The following TRHDE variants were observed in gnomAD, a reference collection of about 807,000 sequenced individuals.
TRHDE encodes the protein thyrotropin releasing hormone degrading enzyme, also known as thyrotropin-releasing hormone-degrading ectoenzyme.
A neutral mutation model predicts 125.7 loss-of-function variants in TRHDE; 72 were observed. The observed-to-expected ratio is 0.57, with a 90% CI of 0.47 to 0.70. TRHDE has a LOEUF of 0.70. Among genes scored for constraint, TRHDE ranks in the 30% least tolerant of loss-of-function variants. The probability of loss-of-function intolerance (pLI) is 0.00; values close to 1 mark genes in which losing one functional copy is unlikely to be tolerated. For missense variants in TRHDE, 1,110 were observed against 1,327.1 expected (o/e 0.84, Z 2.54); for synonymous variants, 509 against 509.1 (o/e 1.00, Z 0.00).
At chr12:72,278,850 A>C (rs1226127470) in intron 1 of TRHDE, among the ~76,000 whole-genome samples, 1 of 152,202 alleles carries the variant, frequency 6.6e-6, no homozygotes, top group Non-Finnish European at 1.5e-5. Flanking sequence ...TTAATCACTT[A>C]TCAGATGTAC....
intron 2 of TRHDE, among the ~76,000 whole-genome samples, chr12:72,345,297 C>T (rs1870267902): frequency 6.6e-6 from 1 of 152,044 alleles, no homozygotes; most frequent in Non-Finnish European, 1.5e-5. Flanking sequence ...CCCTGACTTA[C>T]AGTATTTGCT....
intron 12 of TRHDE, among the ~76,000 whole-genome samples, chr12:72,594,905 C>T (rs916350270): frequency 1.3e-5 from 2 of 151,806 alleles, no homozygotes; most frequent in African/African-American, 4.8e-5. Context: ...AAATGTGGCA[C>T]ATATACACCA....
chr12:72,263,032 G>T (rs1878986068), intron 2 of TRHDE: 1 of 152,024 alleles, frequency 6.6e-6, no homozygotes, highest in Admixed American at 6.6e-5. Context: ...AATTAATTAG[G>T]ATCTGCTTAA....
chr12:72,288,778 T>G (rs1470917740), intron 2 of TRHDE, among the ~76,000 whole-genome samples: 2 of 152,170 alleles, frequency 1.3e-5, no homozygotes, highest in African/African-American at 2.4e-5. Flanking sequence ...TAATAGTTAC[T>G]TAGATGTGAC....
chr12:72,509,037 T>A (rs1423372873), intron 6 of TRHDE, among the ~76,000 whole-genome samples: 1 of 152,148 alleles, frequency 6.6e-6, no homozygotes, highest in African/African-American at 2.4e-5. Context: ...CTCTTTTCTT[T>A]AAATTTTCTA....
At chr12:72,177,760 AATAAATT>A (rs1186047041) in intron 2 of TRHDE, among the ~76,000 whole-genome samples, 2 of 152,140 alleles carry the variant, frequency 1.3e-5, no homozygotes, top group African/African-American at 4.8e-5. Flanking sequence ...TGTGTAAAAT[AATAAATT>A]ATAAACTATC....
chr12:72,293,170 T>C (rs919231336), intron 2 of TRHDE, among the ~76,000 whole-genome samples: 7 of 152,214 alleles, frequency 4.6e-5, no homozygotes, highest in South Asian at 2.1e-4. Flanking sequence ...ATTAATAGCA[T>C]GGTGGTCTAA....
chr12:72,119,125 C>T (rs892033339), intron 2 of TRHDE, among the ~76,000 whole-genome samples: 3 of 151,820 alleles, frequency 2.0e-5, no homozygotes, highest in African/African-American at 7.3e-5. Flanking sequence ...TTAGATACAC[C>T]ATTAGGTTAT....
At position 72,380,698 on chromosome 12, in the gene TRHDE, GCTTCCTTC is replaced by G. The variant is rs199912564; in HGVS notation, c.1315+2605_1315+2612del. On this transcript the variant is annotated intron_variant, in intron 3 of 18. Transcript: ENST00000261180. The stretch of plus-strand genomic sequence containing the variant: ...GATCATGGACCGCCAGCAGGCTGCA[GCTTCCTTC>G]CTTCCTTCCTTCCTTCCTTCCTTCC... Among the ~76,000 whole-genome samples, 88 of 132,012 alleles carry G rather than the reference GCTTCCTTC, an allele frequency of 6.7e-4. 1 individual carries two copies. Among genetic ancestry groups the G allele is most frequent in the Admixed American group, 1.3e-3 (17 of 13,050 alleles). The allele number at this position is 132,012 out of a possible 152,430, so 86.6% of individuals were successfully genotyped here.
chr12:72,408,436 G>T (rs930529275), intron 3 of TRHDE, among the ~76,000 whole-genome samples: 1 of 152,054 alleles, frequency 6.6e-6, no homozygotes. Flanking sequence ...TTGCAGAAAG[G>T]TATTTTCATC....
chr12:72,445,608 G>A (rs907825162), intron 3 of TRHDE, among the ~76,000 whole-genome samples: 8 of 151,726 alleles, frequency 5.3e-5, no homozygotes, highest in African/African-American at 1.2e-4. Flanking sequence ...CAAATATATC[G>A]TTCATCTTAA....
intron 15 of TRHDE, among the ~76,000 whole-genome samples, chr12:72,626,329 C>T (rs1873255965): frequency 6.6e-6 from 1 of 151,846 alleles, no homozygotes; most frequent in African/African-American, 2.4e-5. Flanking sequence ...AATACTTAAC[C>T]TTTGCAGAAA....
chr12:72,493,645 T>C (rs578035268), intron 5 of TRHDE, among the ~76,000 whole-genome samples: 1 of 152,102 alleles, frequency 6.6e-6, no homozygotes, highest in Middle Eastern at 3.4e-3. Context: ...GGAAAAATCT[T>C]GATGATTTCA....
intron 5 of TRHDE, among the ~76,000 whole-genome samples, chr12:72,490,834 A>G (rs1877641028): frequency 6.6e-6 from 1 of 151,560 alleles, no homozygotes; most frequent in South Asian, 2.1e-4. Context: ...AGGTGGTCCA[A>G]AAATGGGAAG....
intron 3 of TRHDE, among the ~76,000 whole-genome samples, chr12:72,398,397 A>C (rs890935743): frequency 2.6e-5 from 4 of 152,292 alleles, no homozygotes; most frequent in African/African-American, 9.6e-5. Context: ...TAGATCCCTG[A>C]GGAATCGCCA....
intron 2 of TRHDE, among the ~76,000 whole-genome samples, chr12:72,186,782 T>C (rs1323837843): frequency 6.9e-6 from 1 of 144,966 alleles, no homozygotes; most frequent in Non-Finnish European, 1.5e-5. Context: ...GACATGGATC[T>C]TTTTTTTTTT....
intron 5 of TRHDE, among the ~76,000 whole-genome samples, chr12:72,490,234 C>T (rs1458614515): frequency 1.3e-5 from 2 of 151,834 alleles, no homozygotes; most frequent in Admixed American, 6.6e-5. Context: ...TGAAAAGATG[C>T]TCAACATTGG....
intron 2 of TRHDE, among the ~76,000 whole-genome samples, chr12:72,151,619 G>C (rs1876368107): frequency 6.6e-6 from 1 of 151,668 alleles, no homozygotes; most frequent in South Asian, 2.1e-4. Context: ...CATATGGCTA[G>C]CCAGTTTTCC....
chr12:72,263,193 T>A (rs1878990725), intron 2 of TRHDE: 1 of 152,092 alleles, frequency 6.6e-6, no homozygotes, highest in Non-Finnish European at 1.5e-5. Context: ...TTGTACATAG[T>A]TCAGTCCCCA....
Sources: gnomAD v4.1 joint callset for allele counts (sites outside exome capture counted in the v4.1 genomes callset) on GRCh38, gnomAD v4.1.1 for gene constraint, MANE v1.5 for transcripts, NCBI Gene and HGNC (gene_info 2026-07-23, HGNC 2026-07-21) for gene names.